CRACDL: variants seen among roughly 807,000 people sequenced by gnomAD.
CRACDL encodes CRACD-like protein.
A neutral mutation model predicts 70.6 loss-of-function variants in CRACDL; 26 were observed. That is an observed-to-expected ratio of 0.37 (90% CI 0.27 to 0.51). The LOEUF is 0.51. Among genes scored for constraint, CRACDL ranks in the 20% least tolerant of loss-of-function variants. The pLI is 0.94. For missense variants in CRACDL, 1,283 were observed against 1,376.9 expected, an observed-to-expected ratio of 0.93 and a Z score of 1.08; for synonymous variants, 618 against 615.2, an observed-to-expected ratio of 1.00 and a Z score of -0.07.
At chr2:98,861,740 C>A (rs959667388) in intron 1 of CRACDL, among the ~76,000 whole-genome samples, 2 of 152,294 alleles carry the variant, frequency 1.3e-5, no homozygotes, top group African/African-American at 2.4e-5. Flanking sequence ...CAACTGAAGG[C>A]TTGCAACTTC....
rs569265529 is a variant in CRACDL, at chr2:98,817,663, G to C, written c.2416+4194C>G. On this transcript the variant is annotated intron_variant, in intron 7 of 9. Transcript: ENST00000397899. ...CCCCTGTGCTCTTCCCATCTTTTGG[G>C]GCCAAGAAAGAGCTTGCATGGCAGG... 5.3e-5 allele frequency among the ~76,000 whole-genome samples: 8 copies of C among 152,208 alleles called. No homozygotes were observed. The East Asian group carries it at 1.5e-3, about 29-fold the overall frequency.
intron 1 of CRACDL, among the ~76,000 whole-genome samples, chr2:98,888,870 CTGTAATCCCAGCA>C (rs1297746195): frequency 6.6e-6 from 1 of 152,174 alleles, no homozygotes; most frequent in East Asian, 1.9e-4. Context: ...TGGCTCACGC[CTGTAATCCCAGCA>C]CTTTGGGTGG....
chr2:98,893,801 TTTTACTGAGGAAATC>T (rs1180903449), intron 1 of CRACDL, among the ~76,000 whole-genome samples: 1 of 152,238 alleles, frequency 6.6e-6, no homozygotes, highest in Admixed American at 6.5e-5. Flanking sequence ...ACAGGTTGTC[TTTTACTGAGGAAATC>T]CATGCCGTCA....
chr2:98,907,953 C>T (rs1708454702), intron 1 of CRACDL, among the ~76,000 whole-genome samples: 1 of 152,158 alleles, frequency 6.6e-6, no homozygotes, highest in Admixed American at 6.5e-5. Context: ...AATGTTTCTG[C>T]ACGTGTTAAA....
intron 1 of CRACDL, among the ~76,000 whole-genome samples, chr2:98,911,421 A>G (rs1708545467): frequency 6.6e-6 from 1 of 152,208 alleles, no homozygotes; most frequent in African/African-American, 2.4e-5. Flanking sequence ...CACGGATTAC[A>G]TCAGGCTCCG....
chr2:98,823,552 G>T lies in CRACDL; in HGVS notation c.736-15C>A, dbSNP rs899430218. ...GACTGAGCGCGCTGAGAGAAATAAA[G>T]ATAAAAAGCATCGTCGCTATAGCCA... On this transcript the variant is annotated splice_polypyrimidine_tract_variant and intron_variant, in intron 6 of 9. Transcript: ENST00000397899. The surrounding 1 kb of genome is among the most constrained non-coding windows in gnomAD (Gnocchi z 4.0). 6.4e-7 allele frequency: 1 copy of T among 1,553,954 alleles called. No individual in the cohort carries two copies. The highest frequency in any genetic ancestry group is 1.7e-4 in the Middle Eastern group (1 of 6,018).
chr2:98,798,510 G>A (rs1306932703), intron 7 of CRACDL, among the ~76,000 whole-genome samples: 6 of 137,762 alleles, frequency 4.4e-5, no homozygotes, highest in African/African-American at 1.6e-4. Context: ...GACACCATAT[G>A]TTTTGTGGAA....
rs139063299 is a variant in CRACDL, at chr2:98,832,645, G to T, written c.376-133C>A. On this transcript the variant is annotated intron_variant, in intron 4 of 9. Coordinates refer to ENST00000397899, the MANE Select transcript of CRACDL (RefSeq NM_207362.3). ...TGGTGCAGAGAACTGAACTGAACGT[G>T]CATCTGCCACCAGCTCTTCCACTGC... 6.3e-4 allele frequency: 641 copies of T among 1,014,766 alleles called. 3 individuals are homozygous for T. In the African/African-American group the frequency reaches 9.3e-3, roughly 15 times the overall value. The allele number at this position is 1,014,766 out of a possible 1,614,324, so 62.9% of individuals were successfully genotyped here.
intron 1 of CRACDL, among the ~76,000 whole-genome samples, chr2:98,867,771 C>G (rs911061673): frequency 9.2e-5 from 14 of 152,164 alleles, no homozygotes; most frequent in African/African-American, 3.4e-4. Context: ...ATGTGACGAA[C>G]AGGACACCGA....
intron 7 of CRACDL, among the ~76,000 whole-genome samples, chr2:98,804,615 A>G (rs973445548): frequency 2.0e-5 from 3 of 152,136 alleles, no homozygotes; most frequent in Non-Finnish European, 4.4e-5. Context: ...TAGGCTGCCA[A>G]GTGGAGTGCT....
intron 1 of CRACDL, among the ~76,000 whole-genome samples, chr2:98,920,919 G>A (rs1442031180): frequency 6.6e-6 from 1 of 152,180 alleles, no homozygotes; most frequent in Non-Finnish European, 1.5e-5. Flanking sequence ...CCTCAGGAGT[G>A]GAGAACCTGT....
chr2:98,796,469 A>G (rs1703827192), intron 8 of CRACDL, among the ~76,000 whole-genome samples: 2 of 152,236 alleles, frequency 1.3e-5, no homozygotes, highest in East Asian at 3.8e-4. Flanking sequence ...ATCCTGGCAC[A>G]CACGTGCATC....
chr2:98,876,663 C>A (rs930998951), intron 1 of CRACDL, among the ~76,000 whole-genome samples: 1 of 152,152 alleles, frequency 6.6e-6, no homozygotes, highest in Non-Finnish European at 1.5e-5. Flanking sequence ...ATCTCTGGTG[C>A]CAAAAAGATT....
chr2:98,811,461 G>A (rs1704554889), intron 7 of CRACDL, among the ~76,000 whole-genome samples: 1 of 130,840 alleles, frequency 7.6e-6, no homozygotes, highest in African/African-American at 3.0e-5. Context: ...AGCGAGCCAA[G>A]ATCATGCCAC....
intron 2 of CRACDL, among the ~76,000 whole-genome samples, chr2:98,841,486 C>T (rs983226962): frequency 3.3e-5 from 5 of 152,180 alleles, no homozygotes; most frequent in Non-Finnish European, 5.9e-5. Flanking sequence ...CATTTTTATG[C>T]ACTATTGTTT....
At chr2:98,894,161 C>T (rs1383113356) in intron 1 of CRACDL, among the ~76,000 whole-genome samples, 1 of 152,232 alleles carries the variant, frequency 6.6e-6, no homozygotes, top group African/African-American at 2.4e-5. Context: ...TCTGCTTAAG[C>T]TCTGATTCAA....
At chr2:98,795,077 A>ATATATATAT in intron 9 of CRACDL, among the ~76,000 whole-genome samples, 2 of 58,496 alleles carry the variant, frequency 3.4e-5, no homozygotes, top group Non-Finnish European at 6.2e-5. Flanking sequence ...ATATATATAT[A>ATATATATAT]TTTTTTTTTT....
intron 1 of CRACDL, among the ~76,000 whole-genome samples, chr2:98,915,686 A>G (rs982295650): frequency 1.3e-5 from 2 of 152,126 alleles, no homozygotes; most frequent in African/African-American, 4.8e-5. Context: ...TGGGGGAAAT[A>G]GCTGTGAGCC....
At chr2:98,825,870 C>T (rs1340056276) in intron 6 of CRACDL, among the ~76,000 whole-genome samples, 1 of 152,226 alleles carries the variant, frequency 6.6e-6, no homozygotes, top group Admixed American at 6.5e-5. Context: ...CAAAGGAAAA[C>T]TCACTCTCTT....
Sources: allele counts gnomAD v4.1 joint callset (sites outside exome capture counted in the v4.1 genomes callset), GRCh38; gene constraint gnomAD v4.1.1; non-coding constraint Gnocchi (gnomAD v3.1); transcripts MANE v1.5; gene names NCBI Gene and HGNC (gene_info 2026-07-23, HGNC 2026-07-21).